CCHCR1: variants seen among roughly 807,000 people sequenced by gnomAD.
The protein encoded by CCHCR1 is HCR (a-helix coiled-coil rod homologue).
In CCHCR1, 91 loss-of-function variants were observed where a neutral mutation model predicts 114.6. That is an observed-to-expected ratio of 0.79 (90% confidence interval 0.67 to 0.94). The LOEUF is 0.94. Ranked by LOEUF, CCHCR1 falls within the 40% of genes least tolerant of loss-of-function variation. The pLI is 0.00. For missense variants in CCHCR1, 899 were observed against 1,079.9 expected (o/e 0.83, Z 2.35); for synonymous variants, 379 against 428.5 (o/e 0.88, Z 1.43).
chr6:31,143,297 A>C lies in CCHCR1; in HGVS notation c.2284T>G (p.Leu762Val). Residue 762 changes from leucine (L) to valine (V), a missense_variant, in exon 16 of 18, where the codon TTG (leucine) becomes GTG (valine). Physicochemically the swap from Leu to Val is conservative, Grantham distance 32. Coordinates refer to ENST00000396268, the MANE Select transcript of CCHCR1 (RefSeq NM_001105564.2). This position sits in a 1 kb window ranked among gnomAD's most constrained non-coding sequence, Gnocchi z 5.3. ...TTCTTATCCCTCTCTAGCTCCTGCA[A>C]GCGCCGGGCCAGTCGCTGCCCCTCC... is the stretch of plus-strand genomic sequence containing the variant. The part of the protein sequence containing the change: ...KEEGQRLARR[L>V]QELERDKNLM... The C allele has an allele frequency of 6.2e-7, 1 of 1,612,794 alleles. No homozygotes were observed. The highest frequency in any genetic ancestry group is 8.5e-7 in the Non-Finnish European group (1 of 1,180,006).
Position 31,157,786 on chromosome 6 carries a change from G to A in CCHCR1, c.-186C>T. 2 of 600,352 alleles carry A rather than the reference G, an allele frequency of 3.3e-6. No homozygotes were observed. Among genetic ancestry groups the A allele is most frequent in the Non-Finnish European group, 3.0e-6 (1 of 338,320 alleles). 37.2% of individuals were successfully genotyped at this position (600,352 alleles called of 1,614,324 possible). A position where few individuals can be genotyped will look rare whatever the true frequency, so the allele number is the denominator to read the frequency against. Reference sequence around the variant, plus strand: ...TTTCTCGAGTCCTAACACATAGTGGGCACTTTAAGATCTTCCTCCCACCCT... The same window carrying A: ...TTTCTCGAGTCCTAACACATAGTGGACACTTTAAGATCTTCCTCCCACCCT... On this transcript the variant is annotated 5_prime_UTR_variant, in exon 1 of 18. Transcript: ENST00000396268.
At position 31,145,733 on chromosome 6, in the gene CCHCR1, T is replaced by A; in HGVS notation, c.1656A>T (p.Arg552=). The A allele has an allele frequency of 6.2e-7, 1 of 1,613,530 alleles. No individual in the cohort carries two copies. The highest frequency in any genetic ancestry group is 8.5e-7 in the Non-Finnish European group (1 of 1,179,940). The change falls in exon 11 of 18, where the codon CGA becomes CGT. Residue 552 remains arginine (R), a synonymous_variant. Coordinates refer to ENST00000396268, the MANE Select transcript of CCHCR1 (RefSeq NM_001105564.2). ...GGACCTTGCGGACAGCATAGCTGAG[T>A]CGGTTGTTGAGGCTGGGAAGCTGGG... The part of the protein sequence containing the change: ...AAAQLPSLNN[R]LSYAVRKVHT...
intron 4 of CCHCR1, among the ~76,000 whole-genome samples, chr6:31,152,997 CTTG>C (rs1775465214): frequency 6.6e-6 from 1 of 151,858 alleles, no homozygotes; most frequent in South Asian, 2.1e-4. Context: ...CAAACGGTAG[CTTG>C]TTGTTTTTTT....
rs1233790190 is a variant in CCHCR1, at chr6:31,143,048, TTTC to T, written c.2403_2405del (p.Lys802del). 7 of 1,612,920 alleles carry T rather than the reference TTTC, an allele frequency of 4.3e-6. No individual in the cohort carries two copies. Among genetic ancestry groups the T allele is most frequent in the African/African-American group, 1.3e-5 (1 of 74,914 alleles). Reference sequence around the variant, plus strand: ...GAGGCCTGGGGCTGGACACCACAGATTTCTTCTTATCCAGTAGGGAAGGAAGAA... The same window carrying T: ...GAGGCCTGGGGCTGGACACCACAGATTTCTTATCCAGTAGGGAAGGAAGAA... On this transcript the variant is annotated inframe_deletion, in exon 17 of 18. Transcript: ENST00000396268. This position sits in a 1 kb window ranked among gnomAD's most constrained non-coding sequence, Gnocchi z 5.3.
chr6:31,152,878 C>T (rs1285007167), intron 4 of CCHCR1, among the ~76,000 whole-genome samples: 2 of 152,172 alleles, frequency 1.3e-5, no homozygotes, highest in African/African-American at 2.4e-5. Flanking sequence ...CATCTCTGTG[C>T]CCCAGCCTTC....
At chr6:31,147,872 G>A (rs769104069) in intron 10 of CCHCR1, among the ~76,000 whole-genome samples, 1 of 151,948 alleles carries the variant, frequency 6.6e-6, no homozygotes, top group African/African-American at 2.4e-5. Context: ...CCAGCTACTC[G>A]GGAGGCTGAG....
At chr6:31,148,084 C>T (rs182986029) in intron 10 of CCHCR1, among the ~76,000 whole-genome samples, 34 of 152,254 alleles carry the variant, frequency 2.2e-4, no homozygotes, top group Middle Eastern at 6.8e-3. Flanking sequence ...CATCCTTGAA[C>T]AATACTGCAA....
upstream of CCHCR1, chr6:31,157,982 A>C (rs1776340362): frequency 7.2e-6 from 2 of 278,738 alleles, no homozygotes; most frequent in Admixed American, 4.9e-5. Flanking sequence ...CTCTCCCACC[A>C]CTGCTCCCCT....
At chr6:31,145,531 T>C (rs750750767) in intron 11 of CCHCR1, 38 bp from the exon 12 acceptor site, 2 of 1,606,146 alleles carry the variant, frequency 1.2e-6, no homozygotes, top group Admixed American at 1.7e-5. Context: ...GAGATGAAGT[T>C]TGCATGGGAG....
In CCHCR1 at chr6:31,144,753, G is replaced by A. The variant is rs753120654; in HGVS notation, c.2101C>T (p.Leu701=). ...QEKVAEVETR[L]REQLSDTERR... Reference sequence around the variant, plus strand: ...TCTGTGTCTGAGAGTTGCTCCCGCAGCCGAGTTTCCACTTCAGCCACCTTT... The same window carrying A: ...TCTGTGTCTGAGAGTTGCTCCCGCAACCGAGTTTCCACTTCAGCCACCTTT... Residue 701 remains leucine (L), a synonymous_variant, in exon 15 of 18, where the codon CTG becomes TTG. Coordinates refer to ENST00000396268, the MANE Select transcript of CCHCR1 (RefSeq NM_001105564.2). This position sits in a 1 kb window ranked among gnomAD's most constrained non-coding sequence, Gnocchi z 4.6. The A allele has an allele frequency of 6.2e-7, 1 of 1,614,026 alleles. No homozygotes were observed. Among genetic ancestry groups the A allele is most frequent in the Non-Finnish European group, 8.5e-7 (1 of 1,179,964 alleles).
At chr6:31,153,076 C>T (rs1355851526) in intron 4 of CCHCR1, among the ~76,000 whole-genome samples, 3 of 152,162 alleles carry the variant, frequency 2.0e-5, no homozygotes, top group Non-Finnish European at 4.4e-5. Context: ...CTCCCAGGTT[C>T]AAGCAATTCT....
At chr6:31,149,151 CAAAA>C (rs3064836) in intron 8 of CCHCR1, 2 of 120,870 alleles carry the variant, frequency 1.7e-5, no homozygotes, top group Non-Finnish European at 3.4e-5. Flanking sequence ...GACTCCTTCT[CAAAA>C]AAAAAAAAAA....
chr6:31,142,662 T>C lies in CCHCR1; in HGVS notation c.2546A>G (p.Lys849Arg), dbSNP rs1006132197. The C allele has an allele frequency of 1.9e-6, 3 of 1,613,290 alleles. No homozygotes were observed. The highest frequency in any genetic ancestry group is 2.5e-6 in the Non-Finnish European group (3 of 1,179,976). ...GTCTCCTTGACAAACAGCTTCCTCT[T>C]TGGAAATGGCTTCACTCAGGTCCTG... ...DLQDLSEAIS[K>R]EEAVCQGDNL... The change falls in exon 18 of 18, where the codon AAA becomes AGA. Residue 849 changes from lysine (K) to arginine (R), a missense_variant. By Grantham distance (26) the Lys-to-Arg change is conservative. Transcript: ENST00000396268.
At position 31,151,536 on chromosome 6, in the gene CCHCR1, C is replaced by T. The variant is rs1001354532; in HGVS notation, c.802-414G>A. Among the ~76,000 whole-genome samples the T allele has an allele frequency of 2.0e-5, 3 of 152,202 alleles. No homozygotes were observed. Among genetic ancestry groups the T allele is most frequent in the Admixed American group, 6.5e-5 (1 of 15,282 alleles). On this transcript the variant is annotated intron_variant, in intron 4 of 17. Transcript: ENST00000396268. The surrounding 1 kb of genome is among the most constrained non-coding windows in gnomAD (Gnocchi z 4.1). ...CCCTGGAGGCTCTCCCACTGCTCCC[C>T]GCTCCGGCCACGGGGAGTCTGCTGA...
At chr6:31,153,079 G>T (rs1196638943) in intron 4 of CCHCR1, among the ~76,000 whole-genome samples, 1 of 152,110 alleles carries the variant, frequency 6.6e-6, no homozygotes, top group Non-Finnish European at 1.5e-5. Context: ...CCAGGTTCAA[G>T]CAATTCTCCT....
Position 31,142,603 on chromosome 6 carries a change from T to A in CCHCR1, c.2605A>T (p.Met869Leu). The change falls in exon 18 of 18, where the codon ATG becomes TTG. Residue 869 changes from methionine (M) to leucine (L), a missense_variant. Transcript: ENST00000396268. ...CAACTGTCAGCTGCTTAGCTGCTCA[T>A]CTGGGGATTGGAGCTGGAGCATCTG... Reference protein sequence around the residue: ...LDRCSSSNPQMSS With the variant: ...LDRCSSSNPQLSS 2 of 1,612,874 alleles carry A rather than the reference T, an allele frequency of 1.2e-6. No individual in the cohort carries two copies. Among genetic ancestry groups the A allele is most frequent in the East Asian group, 4.5e-5 (2 of 44,868 alleles).
At position 31,148,428 on chromosome 6, in the gene CCHCR1, C is replaced by G. The variant is rs1473434712; in HGVS notation, c.1557G>C (p.Arg519Ser). Residue 519 changes from arginine (R) to serine (S), a missense_variant, in exon 10 of 18, where the codon AGG (arginine) becomes AGC (serine). Coordinates refer to ENST00000396268, the MANE Select transcript of CCHCR1 (RefSeq NM_001105564.2). ...QQTASAEEQL[R>S]LVVNAVSSSQ... ...ACCTGCTGACAGCATTGACCACAAG[C>G]CTCAGCTGCTCCTCGGCTGAGGCTG... The G allele has an allele frequency of 6.2e-7, 1 of 1,610,468 alleles. No individual in the cohort carries two copies. The highest frequency in any genetic ancestry group is 8.5e-7 in the Non-Finnish European group (1 of 1,177,890).
chr6:31,154,772 G>A lies in CCHCR1; in HGVS notation c.525C>T (p.Ala175=). ...GRSWGLEGSQ[A]LSQQAEVIVR... is the part of the protein sequence containing the mutation. ...CGATCACCTCAGCCTGCTGGCTCAG[G>A]GCCTGTGACCCCTCCAGCCCCCAGG... The change falls in exon 4 of 18, where the codon GCC becomes GCT. Residue 175 remains alanine (A), a synonymous_variant. Coordinates refer to ENST00000396268, the MANE Select transcript of CCHCR1 (RefSeq NM_001105564.2). This position sits in a 1 kb window ranked among gnomAD's most constrained non-coding sequence, Gnocchi z 4.1. The A allele has an allele frequency of 1.2e-6, 2 of 1,605,444 alleles. No homozygotes were observed. The highest frequency in any genetic ancestry group is 4.5e-5 in the East Asian group (2 of 44,880).
In CCHCR1 at chr6:31,145,380, C is replaced by T. The variant is rs181445280; in HGVS notation, c.1739+68G>A. ...AAAGCCCCCATCCCACCTCAGTCCTCATGGTTTTGGGGGTCCCAGCAGCCA... is the reference window on the plus strand; with the variant it reads ...AAAGCCCCCATCCCACCTCAGTCCTTATGGTTTTGGGGGTCCCAGCAGCCA... On this transcript the variant is annotated intron_variant, in intron 12 of 17. Transcript: ENST00000396268. The T allele has an allele frequency of 4.2e-3, 6,847 of 1,612,620 alleles. 98 individuals are homozygous for T. The highest frequency in any genetic ancestry group is 0.03 in the South Asian group (2,740 of 91,054).
Sources: gnomAD v4.1 joint callset for allele counts (sites outside exome capture counted in the v4.1 genomes callset) on GRCh38, gnomAD v4.1.1 for gene constraint, Gnocchi (gnomAD v3.1) non-coding constraint, MANE v1.5 for transcripts, NCBI Gene and HGNC (gene_info 2026-07-23, HGNC 2026-07-21) for gene names.